The following AGBL1 variants were observed in gnomAD, a reference collection of about 807,000 sequenced individuals.
AGBL1 encodes the protein AGBL carboxypeptidase 1.
In AGBL1, 130 loss-of-function variants were observed where a neutral mutation model predicts 118.9. The observed-to-expected ratio is 1.09, with a 90% CI of 0.95 to 1.26. The LOEUF is 1.26. AGBL1 is among the 50% of genes most tolerant of loss of function. The pLI is 0.00. For missense variants in AGBL1, 1,584 were observed against 1,298.1 expected (o/e 1.22, Z -3.38); for synonymous variants, 555 against 478.9 (o/e 1.16, Z -2.08).
chr15:86,664,950 T>C (rs1269258224), intron 21 of AGBL1, among the ~76,000 whole-genome samples: 1 of 152,028 alleles, frequency 6.6e-6, no homozygotes, highest in Non-Finnish European at 1.5e-5. Flanking sequence ...TTGCGGATTT[T>C]AAAAAAATAA....
At chr15:86,443,033 G>A (rs530174802) in intron 18 of AGBL1, among the ~76,000 whole-genome samples, 1 of 152,308 alleles carries the variant, frequency 6.6e-6, no homozygotes, top group East Asian at 1.9e-4. Context: ...GTACCAGCCT[G>A]TGCATCTCTC....
intron 21 of AGBL1, among the ~76,000 whole-genome samples, chr15:86,563,413 T>C (rs1337080177): frequency 6.6e-6 from 1 of 152,230 alleles, no homozygotes; most frequent in African/African-American, 2.4e-5. Flanking sequence ...CCAGTAGTCA[T>C]TCAGGAGCAG....
intron 22 of AGBL1, among the ~76,000 whole-genome samples, chr15:86,777,086 G>A (rs964221778): frequency 3.9e-5 from 6 of 151,918 alleles, no homozygotes; most frequent in East Asian, 1.9e-4. Flanking sequence ...CAGAGGAAAC[G>A]TTCTAATTTT....
chr15:86,810,883 G>C (rs9788688), intron 22 of AGBL1, among the ~76,000 whole-genome samples: 8,475 of 152,232 alleles, frequency 0.056, 366 homozygotes, highest in East Asian at 0.21. Flanking sequence ...ACCTCAAGCA[G>C]CTCTAAGCTC....
chr15:86,403,629 T>C (rs2081479993), intron 18 of AGBL1, among the ~76,000 whole-genome samples: 1 of 152,194 alleles, frequency 6.6e-6, no homozygotes, highest in African/African-American at 2.4e-5. Flanking sequence ...CTAGTTCCTT[T>C]ACATATATTG....
intron 6 of AGBL1, among the ~76,000 whole-genome samples, chr15:86,245,887 A>ATTTC (rs942178484): frequency 5.9e-5 from 9 of 151,650 alleles, no homozygotes; most frequent in East Asian, 3.9e-4. Context: ...GTGTATTTTA[A>ATTTC]TTTCTTTCTT....
intron 5 of AGBL1, among the ~76,000 whole-genome samples, chr15:86,174,980 C>G (rs2077463585): frequency 6.6e-6 from 1 of 151,714 alleles, no homozygotes; most frequent in African/African-American, 2.4e-5. Context: ...TTTGTTGTAT[C>G]CTTGTTTCGT....
At chr15:86,486,310 C>G (rs2082712435) in intron 18 of AGBL1, among the ~76,000 whole-genome samples, 2 of 152,126 alleles carry the variant, frequency 1.3e-5, no homozygotes, top group Admixed American at 6.6e-5. Context: ...TTTGTCCCTT[C>G]TATTTCCATA....
chr15:86,329,952 C>G (rs2080244489), intron 17 of AGBL1, among the ~76,000 whole-genome samples: 1 of 152,202 alleles, frequency 6.6e-6, no homozygotes, highest in Non-Finnish European at 1.5e-5. Flanking sequence ...TAGGCTTCCC[C>G]CTACATCACT....
At position 86,346,846 on chromosome 15, in the gene AGBL1, C is replaced by A. The variant is rs117888122; in HGVS notation, c.2375-50520C>A. On this transcript the variant is annotated intron_variant, in intron 17 of 22. Coordinates refer to ENST00000614907, the MANE Select transcript of AGBL1 (RefSeq NM_001386094.1). ...TACCTCTGTTGGAAGCTTTGAGAATCCATGCCCACAATGTGCCATACAGCA... is the reference window on the plus strand; with the variant it reads ...TACCTCTGTTGGAAGCTTTGAGAATACATGCCCACAATGTGCCATACAGCA... Among the ~76,000 whole-genome samples, 901 of 152,296 alleles carry A rather than the reference C, an allele frequency of 5.9e-3. 2 individuals carry two copies. Among genetic ancestry groups the A allele is most frequent in the Non-Finnish European group, 9.5e-3 (646 of 68,024 alleles).
intron 22 of AGBL1, among the ~76,000 whole-genome samples, chr15:86,818,945 G>T (rs902902719): frequency 6.6e-6 from 1 of 152,168 alleles, no homozygotes; most frequent in African/African-American, 2.4e-5. Context: ...CATGTAAAGT[G>T]CTTGCCACAG....
intron 17 of AGBL1, among the ~76,000 whole-genome samples, chr15:86,325,161 G>A (rs1048670273): frequency 9.9e-5 from 15 of 152,214 alleles, no homozygotes; most frequent in East Asian, 3.8e-4. Flanking sequence ...GAAGACTAGA[G>A]AGAGAGGCAA....
At chr15:86,172,150 T>G (rs56805258) in intron 5 of AGBL1, among the ~76,000 whole-genome samples, 1 of 152,130 alleles carries the variant, frequency 6.6e-6, no homozygotes, top group Non-Finnish European at 1.5e-5. Context: ...AACTTATTCA[T>G]GTAATCATCA....
At chr15:86,211,843 A>G (rs1318642954) in intron 5 of AGBL1, among the ~76,000 whole-genome samples, 1 of 152,124 alleles carries the variant, frequency 6.6e-6, no homozygotes, top group Non-Finnish European at 1.5e-5. Context: ...TCCATGGGCT[A>G]TACCCACTGT....
chr15:86,899,304 G>T (rs776167797), intron 22 of AGBL1, among the ~76,000 whole-genome samples: 33 of 152,184 alleles, frequency 2.2e-4, no homozygotes, highest in Non-Finnish European at 4.4e-4. Context: ...CAAATACCAC[G>T]TGTTATCACT....
rs180983392 is a variant in AGBL1 at position 86,718,266 on chromosome 15, T to C, written c.3158+43830T>C. On this transcript the variant is annotated intron_variant, in intron 22 of 22. Transcript: ENST00000614907. ...ACATGGATGAAGCTGGAAACAATCA[T>C]TCTGAGCAAACTATCTCAAGGACAG... Among the ~76,000 whole-genome samples the C allele has an allele frequency of 2.7e-3, 403 of 152,070 alleles. 1 individual carries two copies. Among genetic ancestry groups the C allele is most frequent in the African/African-American group, 9.1e-3 (379 of 41,452 alleles).
intron 23 of AGBL1, among the ~76,000 whole-genome samples, chr15:86,930,534 A>T (rs2080592567): frequency 6.6e-6 from 1 of 152,106 alleles, no homozygotes; most frequent in African/African-American, 2.4e-5. Flanking sequence ...TTTCAATTTG[A>T]CTGCTATTTA....
At chr15:86,584,011 C>A (rs1409222709) in intron 21 of AGBL1, among the ~76,000 whole-genome samples, 1 of 152,002 alleles carries the variant, frequency 6.6e-6, no homozygotes, top group Non-Finnish European at 1.5e-5. Context: ...CTGTTAATGT[C>A]TTTTACCCAT....
At chr15:86,490,483 G>C (rs2142140814) in intron 18 of AGBL1, among the ~76,000 whole-genome samples, 1 of 152,230 alleles carries the variant, frequency 6.6e-6, no homozygotes, top group South Asian at 2.1e-4. Context: ...TATCTGGTTA[G>C]TTGTGGGGAA....
Sources: gnomAD v4.1 joint callset for allele counts (sites outside exome capture counted in the v4.1 genomes callset) on GRCh38, gnomAD v4.1.1 for gene constraint, MANE v1.5 for transcripts, NCBI Gene and HGNC (gene_info 2026-07-23, HGNC 2026-07-21) for gene names.